FOXJ3: variants seen among roughly 807,000 people sequenced by gnomAD.
The protein encoded by FOXJ3 is forkhead box J3.
A neutral mutation model predicts 76.1 loss-of-function variants in FOXJ3; 22 were observed. That is an observed-to-expected ratio of 0.29 (90% CI 0.21 to 0.41). FOXJ3 has a LOEUF of 0.41. Ranked by LOEUF, FOXJ3 falls within the 10% of genes least tolerant of loss-of-function variation. The pLI, the probability that FOXJ3 is intolerant of heterozygous loss-of-function variation, is 1.00. For synonymous variants in FOXJ3, 269 were observed against 261.2 expected, an observed-to-expected ratio of 1.03 and a Z score of -0.29; for missense variants, 613 against 762.1, an observed-to-expected ratio of 0.80 and a Z score of 2.30.
In FOXJ3 at chr1:42,191,622, G is replaced by T; in HGVS notation, c.1032C>A (p.Ser344Arg). Residue 344 changes from serine (S) to arginine (R), a missense_variant, in exon 9 of 13, where the codon AGC becomes AGA. Coordinates refer to ENST00000361346, the MANE Select transcript of FOXJ3 (RefSeq NM_014947.5). ...PSSTVSTHPH[S>R]NQSSLSNSHG... ...GACTGTTGGACAGGCTGCTTTGGTT[G>T]CTGTGTGGGTGAGTGCTCACTGTAC... is the stretch of plus-strand genomic sequence containing the variant. The T allele has an allele frequency of 1.2e-6, 2 of 1,614,204 alleles. No individual in the cohort carries two copies. Among genetic ancestry groups the T allele is most frequent in the Non-Finnish European group, 1.7e-6 (2 of 1,180,040 alleles).
At chr1:42,181,145 G>T (rs1276250034) in intron 12 of FOXJ3, among the ~76,000 whole-genome samples, 1 of 152,196 alleles carries the variant, frequency 6.6e-6, no homozygotes, top group Non-Finnish European at 1.5e-5. Context: ...TGTGGTATGT[G>T]AGAAAAACAA....
chr1:42,271,349 G>C (rs888799415), intron 3 of FOXJ3, among the ~76,000 whole-genome samples: 3 of 151,526 alleles, frequency 2.0e-5, no homozygotes, highest in African/African-American at 2.4e-5. Flanking sequence ...GGGTTCAAAA[G>C]TTAAAACCAT....
At chr1:42,330,770 A>G (rs905233118) in intron 1 of FOXJ3, among the ~76,000 whole-genome samples, 1 of 152,222 alleles carries the variant, frequency 6.6e-6, no homozygotes, top group African/African-American at 2.4e-5. Context: ...AAATAGCACA[A>G]ATATGAACTA....
At chr1:42,236,968 A>G (rs1368793455) in intron 4 of FOXJ3, among the ~76,000 whole-genome samples, 3 of 152,076 alleles carry the variant, frequency 2.0e-5, no homozygotes, top group Non-Finnish European at 2.9e-5. Flanking sequence ...GTGTCTATTG[A>G]TATCTTTTGC....
At chr1:42,295,446 A>C (rs1282136692) in intron 2 of FOXJ3, among the ~76,000 whole-genome samples, 1 of 151,828 alleles carries the variant, frequency 6.6e-6, no homozygotes, top group Non-Finnish European at 1.5e-5. Flanking sequence ...TTATTCAGTC[A>C]ACTGCTGATG....
chr1:42,243,492 AC>A, intron 4 of FOXJ3, among the ~76,000 whole-genome samples: 1 of 152,196 alleles, frequency 6.6e-6, no homozygotes, highest in East Asian at 1.9e-4. Context: ...TAAACAAAAA[AC>A]AAAAACCATG....
chr1:42,216,674 T>C (rs1487704068), intron 5 of FOXJ3, among the ~76,000 whole-genome samples: 1 of 152,184 alleles, frequency 6.6e-6, no homozygotes, highest in African/African-American at 2.4e-5. Flanking sequence ...AGGATCTACA[T>C]GGTTGGAAGA....
chr1:42,300,462 T>C (rs1227497883), intron 2 of FOXJ3, among the ~76,000 whole-genome samples: 1 of 152,132 alleles, frequency 6.6e-6, no homozygotes, highest in Non-Finnish European at 1.5e-5. Flanking sequence ...CAAAGCTTAT[T>C]TTTTTGGCAG....
chr1:42,186,851 T>C (rs1646446984), intron 11 of FOXJ3, among the ~76,000 whole-genome samples: 1 of 152,132 alleles, frequency 6.6e-6, no homozygotes, highest in South Asian at 2.1e-4. Context: ...ATTGCCTTCT[T>C]CTTCTTCTTC....
chr1:42,230,012 CAAAT>C (rs2124467343), intron 4 of FOXJ3, among the ~76,000 whole-genome samples: 1 of 152,178 alleles, frequency 6.6e-6, no homozygotes, highest in South Asian at 2.1e-4. Context: ...ATTACAAAAA[CAAAT>C]AGATAACTCT....
intron 6 of FOXJ3, among the ~76,000 whole-genome samples, chr1:42,199,807 A>G (rs1646724061): frequency 6.6e-6 from 1 of 151,846 alleles, no homozygotes; most frequent in East Asian, 1.9e-4. Flanking sequence ...GGTTATCTAG[A>G]AGGGGCTGAG....
chr1:42,196,955 C>T (rs1646662931), intron 7 of FOXJ3, among the ~76,000 whole-genome samples: 1 of 152,102 alleles, frequency 6.6e-6, no homozygotes, highest in Admixed American at 6.6e-5. Context: ...AATGTTCCAA[C>T]TGGTTGTTTT....
chr1:42,328,269 C>T (rs1429832044), intron 1 of FOXJ3, among the ~76,000 whole-genome samples: 3 of 152,284 alleles, frequency 2.0e-5, no homozygotes, highest in Admixed American at 1.3e-4. Flanking sequence ...TATACTCCAG[C>T]CTGGGTGACA....
chr1:42,259,961 G>T (rs373162747), intron 4 of FOXJ3, among the ~76,000 whole-genome samples: 5 of 152,150 alleles, frequency 3.3e-5, no homozygotes, highest in Admixed American at 6.5e-5. Context: ...TTGGGAAGCT[G>T]TATCAGTGTT....
chr1:42,327,213 G>A lies in FOXJ3; in HGVS notation c.-18+7846C>T, dbSNP rs543571804. 6.6e-5 allele frequency among the ~76,000 whole-genome samples: 10 copies of A among 152,256 alleles called. No individual in the cohort carries two copies. In the South Asian group the frequency reaches 1.0e-3, roughly 16 times the overall value. ...ATTTCTGATGGTGACGGCTACCCACGTATACACAGTGGGACAATACCATCA... is the reference window on the plus strand; with the variant it reads ...ATTTCTGATGGTGACGGCTACCCACATATACACAGTGGGACAATACCATCA... On this transcript the variant is annotated intron_variant, in intron 1 of 12. Transcript: ENST00000361346.
chr1:42,308,765 A>G (rs1179652447), intron 2 of FOXJ3, among the ~76,000 whole-genome samples: 2 of 152,192 alleles, frequency 1.3e-5, no homozygotes, highest in African/African-American at 4.8e-5. Context: ...AAATTATAAC[A>G]TAACTTACGT....
chr1:42,258,478 C>A (rs1390188408), intron 4 of FOXJ3, among the ~76,000 whole-genome samples: 1 of 152,202 alleles, frequency 6.6e-6, no homozygotes, highest in Non-Finnish European at 1.5e-5. Flanking sequence ...GAGACCACAA[C>A]ACACAGTAAG....
At chr1:42,179,872 A>C (rs1051480374) in intron 12 of FOXJ3, 47 bp from the exon 13 acceptor site, 3 of 1,252,356 alleles carry the variant, frequency 2.4e-6, no homozygotes, top group East Asian at 4.6e-5. Context: ...TAGAGAAGAA[A>C]GTAAGAAATA....
intron 4 of FOXJ3, among the ~76,000 whole-genome samples, chr1:42,259,403 T>C (rs984201400): frequency 6.6e-6 from 1 of 152,176 alleles, no homozygotes; most frequent in Non-Finnish European, 1.5e-5. Flanking sequence ...TATAATGTTA[T>C]TTTTTTAAAG....
Sources: allele counts gnomAD v4.1 joint callset (sites outside exome capture counted in the v4.1 genomes callset), GRCh38; gene constraint gnomAD v4.1.1; transcripts MANE v1.5; gene names NCBI Gene and HGNC (gene_info 2026-07-23, HGNC 2026-07-21).